DCAF8: variants seen among roughly 807,000 people sequenced by gnomAD.
The protein encoded by DCAF8 is DDB1- and CUL4-associated factor 8.
In DCAF8, 20 loss-of-function variants were observed where a neutral mutation model predicts 68.0. The ratio of observed to expected loss-of-function variants is 0.29; its 90% CI spans 0.21 to 0.43. DCAF8 has a LOEUF of 0.43. Ranked by LOEUF, DCAF8 falls within the 20% of genes least tolerant of loss-of-function variation. DCAF8 has a pLI of 1.00. For synonymous variants in DCAF8, 230 were observed against 276.9 expected (o/e 0.83, Z 1.68); for missense variants, 460 against 771.0 (o/e 0.60, Z 4.78).
rs371810218 is a variant in DCAF8 at position 160,240,139 on chromosome 1, C to T, written c.281G>A (p.Arg94Gln). 7 of 1,613,850 alleles carry T rather than the reference C, an allele frequency of 4.3e-6. No individual in the cohort carries two copies. The highest frequency in any genetic ancestry group is 3.3e-5 in the South Asian group (3 of 91,030). Residue 94 changes from arginine (R) to glutamine (Q), a missense_variant, in exon 4 of 14, where the codon CGA becomes CAA. By Grantham distance (43) the Arg-to-Gln change is conservative. Transcript: ENST00000368074. ...CTCTTCCTCTGAGCGGTCATGGACTCGATTTTCATCATTAATGGAGTAATG... is the reference window on the plus strand; with the variant it reads ...CTCTTCCTCTGAGCGGTCATGGACTTGATTTTCATCATTAATGGAGTAATG... ...TGHYSINDEN[R>Q]VHDRSEEEEE...
At position 160,218,414 on chromosome 1, in the gene DCAF8, C is replaced by A; in HGVS notation, c.1587G>T (p.Arg529=). 6.2e-7 allele frequency: 1 copy of A among 1,614,158 alleles called. No homozygotes were observed. Among genetic ancestry groups the A allele is most frequent in the Non-Finnish European group, 8.5e-7 (1 of 1,180,020 alleles). Residue 529 remains arginine (R), a synonymous_variant, in exon 13 of 14, where the codon CGG becomes CGT. Transcript: ENST00000368074. Reference sequence around the variant, plus strand: ...CAGTTTGGTGCAAGCTATCTTCATCCCGCTCCCGCTTGTTCTTCTTAATCA... The same window carrying A: ...CAGTTTGGTGCAAGCTATCTTCATCACGCTCCCGCTTGTTCTTCTTAATCA... The part of the protein sequence containing the change: ...KDVIKKNKRE[R]DEDSLHQTDL...
In DCAF8 at chr1:160,228,463, T is replaced by C. The variant is rs190118116; in HGVS notation, c.1071-2800A>G. 4.1e-4 allele frequency among the ~76,000 whole-genome samples: 63 copies of C among 152,326 alleles called. No individual in the cohort carries two copies. In the East Asian group the frequency reaches 9.8e-3, roughly 24 times the overall value. On this transcript the variant is annotated intron_variant, in intron 7 of 13. Coordinates refer to ENST00000368074, the MANE Select transcript of DCAF8 (RefSeq NM_015726.4). Reference sequence around the variant, plus strand: ...TACTTAATCCTTTAGCAATAAATTTTCATGTCAGCCAAATTTACCACTAAA... The same window carrying C: ...TACTTAATCCTTTAGCAATAAATTTCCATGTCAGCCAAATTTACCACTAAA...
chr1:160,230,388 T>A (rs556941266), intron 7 of DCAF8, among the ~76,000 whole-genome samples: 1 of 152,300 alleles, frequency 6.6e-6, no homozygotes, highest in South Asian at 2.1e-4. Flanking sequence ...TAGGGATGGA[T>A]ACAGCTTATT....
At chr1:160,235,408 T>C (rs986162759) in intron 6 of DCAF8, among the ~76,000 whole-genome samples, 2 of 151,914 alleles carry the variant, frequency 1.3e-5, no homozygotes, top group East Asian at 3.9e-4. Flanking sequence ...CATGAGCCAC[T>C]GCACCTGACC....
intron 7 of DCAF8, among the ~76,000 whole-genome samples, chr1:160,227,415 C>T (rs940838379): frequency 1.3e-5 from 2 of 152,212 alleles, no homozygotes; most frequent in African/African-American, 2.4e-5. Context: ...CAGGCACACA[C>T]CACCATGCTG....
intron 8 of DCAF8, 122 bp from the exon 9 acceptor site, chr1:160,225,241 A>G: frequency 1.1e-6 from 1 of 926,782 alleles, no homozygotes; most frequent in Non-Finnish European, 1.7e-6. Context: ...AAAGACAGAC[A>G]GAGACAAGAG....
At chr1:160,234,562 T>C (rs1479459215) in intron 6 of DCAF8, among the ~76,000 whole-genome samples, 1 of 152,236 alleles carries the variant, frequency 6.6e-6, no homozygotes. Context: ...CAATTCCTGG[T>C]GGCCTAACAG....
intron 7 of DCAF8, among the ~76,000 whole-genome samples, chr1:160,230,780 C>A (rs927487600): frequency 6.6e-6 from 1 of 151,320 alleles, no homozygotes; most frequent in African/African-American, 2.5e-5. Context: ...GAGACAGAGT[C>A]TCGCTCTGTC....
At chr1:160,250,623 A>G (rs1227920443) in intron 2 of DCAF8, among the ~76,000 whole-genome samples, 1 of 152,216 alleles carries the variant, frequency 6.6e-6, no homozygotes, top group Non-Finnish European at 1.5e-5. Context: ...AAATGAGAGC[A>G]TAATGTCCAG....
At chr1:160,261,229 C>T (rs1245426531) in intron 2 of DCAF8, 56 bp downstream of exon 2, 3 of 152,252 alleles carry the variant, frequency 2.0e-5, no homozygotes, top group African/African-American at 7.2e-5. Context: ...AGCAGTTGAG[C>T]ATCAGCGCAG....
intron 3 of DCAF8, among the ~76,000 whole-genome samples, chr1:160,243,179 C>T (rs1656184873): frequency 6.6e-6 from 1 of 152,060 alleles, no homozygotes; most frequent in African/African-American, 2.4e-5. Flanking sequence ...GTTAAATAAC[C>T]CAGGTGGTAG....
intron 7 of DCAF8, among the ~76,000 whole-genome samples, chr1:160,228,166 A>G (rs995204589): frequency 5.3e-5 from 8 of 150,060 alleles, no homozygotes; most frequent in East Asian, 1.9e-4. Context: ...ACCTCAAGCT[A>G]TCCTCCAGCT....
At position 160,233,313 on chromosome 1, in the gene DCAF8, C is replaced by A. The variant is rs377612770; in HGVS notation, c.960-1906G>T. On this transcript the variant is annotated intron_variant, in intron 6 of 13. Transcript: ENST00000368074. The stretch of plus-strand genomic sequence containing the variant: ...CCTATAATCCCAGCACTTTGGGAGA[C>A]TGAGGTGGGAGGATCGTTTGAATCC... Among the ~76,000 whole-genome samples the A allele has an allele frequency of 2.0e-5, 3 of 152,230 alleles. No homozygotes were observed. In the East Asian group the frequency reaches 5.8e-4, roughly 29 times the overall value.
intron 10 of DCAF8, 89 bp downstream of exon 10, chr1:160,224,353 T>C: frequency 2.2e-6 from 2 of 923,702 alleles, no homozygotes; most frequent in Non-Finnish European, 3.4e-6. Context: ...CACAGGCAGG[T>C]AGTTTCTATT....
At chr1:160,225,246 C>T in intron 8 of DCAF8, 127 bp from the exon 9 acceptor site, 1 of 907,344 alleles carries the variant, frequency 1.1e-6, no homozygotes, top group Non-Finnish European at 1.7e-6. Context: ...CAGACAGAGA[C>T]AAGAGTACAA....
chr1:160,233,733 C>T (rs1004958089), intron 6 of DCAF8, among the ~76,000 whole-genome samples: 1 of 152,126 alleles, frequency 6.6e-6, no homozygotes, highest in African/African-American at 2.4e-5. Context: ...GTACTGGCTC[C>T]ACAGTTATGT....
In DCAF8 at chr1:160,238,602, C is replaced by A; in HGVS notation, c.864+5G>T. 6.3e-7 allele frequency: 1 copy of A among 1,596,800 alleles called. No individual in the cohort carries two copies. The highest frequency in any genetic ancestry group is 8.5e-7 in the Non-Finnish European group (1 of 1,172,046). On this transcript the variant is annotated splice_donor_5th_base_variant and intron_variant, in intron 5 of 13. Coordinates refer to ENST00000368074, the MANE Select transcript of DCAF8 (RefSeq NM_015726.4). ...GCACAAATTTTGGAGCAAGGTCTTA[C>A]TTACCTTGTGGGACGCTCCCTTGTG...
At chr1:160,244,952 T>C (rs1240671824) in intron 2 of DCAF8, among the ~76,000 whole-genome samples, 1 of 152,170 alleles carries the variant, frequency 6.6e-6, no homozygotes, top group African/African-American at 2.4e-5. Context: ...CTAAGGATTA[T>C]AGAGCTGAAA....
intron 3 of DCAF8, among the ~76,000 whole-genome samples, chr1:160,241,467 G>C (rs1656113949): frequency 6.6e-6 from 1 of 152,168 alleles, no homozygotes; most frequent in Admixed American, 6.5e-5. Context: ...TATATTCTAG[G>C]TCTGCTATGC....
Sources: allele counts gnomAD v4.1 joint callset (sites outside exome capture counted in the v4.1 genomes callset), GRCh38; gene constraint gnomAD v4.1.1; transcripts MANE v1.5; gene names NCBI Gene and HGNC (gene_info 2026-07-23, HGNC 2026-07-21).